The following CHML variants were observed in gnomAD, a reference collection of about 807,000 sequenced individuals.
The protein encoded by CHML is CHM like Rab escort protein, also known as rab proteins geranylgeranyltransferase component A 2.
In CHML, 20 loss-of-function variants were observed where a neutral mutation model predicts 30.4. The observed-to-expected ratio is 0.66, with a 90% CI of 0.46 to 0.95. The LOEUF (loss-of-function observed/expected upper bound fraction) is 0.95, where lower values mean the gene tolerates loss of function less well. Ranked by LOEUF, CHML falls within the 40% of genes least tolerant of loss-of-function variation. The pLI, the probability that CHML is intolerant of heterozygous loss-of-function variation, is 0.00. For synonymous variants in CHML, 281 were observed against 275.0 expected (o/e 1.02, Z -0.22); for missense variants, 795 against 768.5 (o/e 1.03, Z -0.41).
chr1:241,629,516 A>T lies in CHML; in HGVS notation c.*4280T>A, dbSNP rs1211818177. 1 of 152,150 alleles carries T rather than the reference A, an allele frequency of 6.6e-6. No individual in the cohort carries two copies. The highest frequency in any genetic ancestry group is 6.5e-5 in the Admixed American group (1 of 15,284). 9.4% of individuals were successfully genotyped at this position (152,150 alleles called of 1,614,324 possible). ...AGTACAAACCCTTATGGATATGCAT[A>T]TAGTTTTACAAAAACTGAGTGCATC... On this transcript the variant is annotated 3_prime_UTR_variant, in exon 2 of 2. Transcript: ENST00000366553.
chr1:241,639,582 T>G (rs1161191690), intron 1 of CHML, among the ~76,000 whole-genome samples: 1 of 149,594 alleles, frequency 6.7e-6, no homozygotes, highest in African/African-American at 2.5e-5. Flanking sequence ...TAAAAACAAA[T>G]AAGAAAGGAG....
Position 241,634,300 on chromosome 1 carries a change from T to C in CHML, c.1467A>G (p.Val489=), listed in dbSNP as rs747297803. The C allele has an allele frequency of 6.2e-7, 1 of 1,614,006 alleles. No individual in the cohort carries two copies. Among genetic ancestry groups the C allele is most frequent in the South Asian group, 1.1e-5 (1 of 91,076 alleles). Residue 489 remains valine, a synonymous_variant, in exon 2 of 2, where the codon GTA becomes GTG. Transcript: ENST00000366553. ...TTGAAGAACATAATTCTGTGACCCGTACAGCACAAGCTCCTGGCTCTGCTG... is the reference window on the plus strand; with the variant it reads ...TTGAAGAACATAATTCTGTGACCCGCACAGCACAAGCTCCTGGCTCTGCTG... ...VPPAEPGACA[V]RVTELCSSTM...
chr1:241,639,758 G>A, intron 1 of CHML, 124 bp downstream of exon 1: 1 of 980,574 alleles, frequency 1.0e-6, no homozygotes, highest in South Asian at 2.1e-5. Context: ...GGTGTAGGGC[G>A]GGGGGCGCGG....
At chr1:241,639,160 A>G (rs1665014705) in intron 1 of CHML, 1 of 152,244 alleles carries the variant, frequency 6.6e-6, no homozygotes, top group Admixed American at 6.5e-5. Context: ...CCGATTGCAG[A>G]GCTAATTACA....
rs1020714802 is a variant in CHML at position 241,640,288 on chromosome 1, G to A, written c.-714C>T. 7.8e-5 allele frequency: 90 copies of A among 1,150,746 alleles called. No homozygotes were observed. The African/African-American group carries it at 1.3e-3, about 17-fold the overall frequency. The allele number at this position is 1,150,746 out of a possible 1,614,324, so 71.3% of individuals were successfully genotyped here. Reference sequence around the variant, plus strand: ...GCCGGCGCGCCTGGCGGGCGGAGGCGCTCAGCTTGCGGCGGGGCTCGCGGC... The same window carrying A: ...GCCGGCGCGCCTGGCGGGCGGAGGCACTCAGCTTGCGGCGGGGCTCGCGGC... On this transcript the variant is annotated 5_prime_UTR_variant, in exon 1 of 2. Coordinates refer to ENST00000366553, the MANE Select transcript of CHML (RefSeq NM_001381853.1).
intron 1 of CHML, 77 bp downstream of exon 1, chr1:241,639,805 C>T (rs1573971111): frequency 3.9e-6 from 5 of 1,268,426 alleles, no homozygotes; most frequent in Middle Eastern, 2.9e-4. Context: ...GGCTGGGGGG[C>T]GGACGCACGG....
In CHML at chr1:241,633,681, T is replaced by A. The variant is rs1020893819; in HGVS notation, c.*115A>T. 1.4e-5 allele frequency: 15 copies of A among 1,038,222 alleles called. No homozygotes were observed. In the African/African-American group the frequency reaches 2.4e-4, roughly 17 times the overall value. The allele number at this position is 1,038,222 out of a possible 1,614,324, so 64.3% of individuals were successfully genotyped here. ...CTGAGAGTTAAAGACAACATCTGCA[T>A]AGCATTCATCATATATAACCACTTC... On this transcript the variant is annotated 3_prime_UTR_variant, in exon 2 of 2. Coordinates refer to ENST00000366553, the MANE Select transcript of CHML (RefSeq NM_001381853.1).
Position 241,633,958 on chromosome 1 carries a change from A to C in CHML, c.1809T>G (p.Thr603=), listed in dbSNP as rs1443448251. 15 of 1,613,904 alleles carry C rather than the reference A, an allele frequency of 9.3e-6. No homozygotes were observed. The East Asian group carries it at 3.1e-4, about 34-fold the overall frequency. The change falls in exon 2 of 2, where the codon ACT becomes ACG. Residue 603 remains threonine, a synonymous_variant. Coordinates refer to ENST00000366553, the MANE Select transcript of CHML (RefSeq NM_001381853.1). ...AETLFQEIFP[T]EEFCPPPPNP... Reference sequence around the variant, plus strand: ...TTGGAGGTGGAGGGCAGAATTCTTCAGTTGGAAAGATCTCCTGGAAAAGTG... The same window carrying C: ...TTGGAGGTGGAGGGCAGAATTCTTCCGTTGGAAAGATCTCCTGGAAAAGTG...
Position 241,640,297 on chromosome 1 carries a change from G to C in CHML, c.-723C>G. The C allele has an allele frequency of 8.8e-7, 1 of 1,131,678 alleles. No individual in the cohort carries two copies. Among genetic ancestry groups the C allele is most frequent in the Non-Finnish European group, 1.1e-6 (1 of 927,158 alleles). The allele number at this position is 1,131,678 out of a possible 1,614,324, so 70.1% of individuals were successfully genotyped here. A position where few individuals can be genotyped will look rare whatever the true frequency, so the allele number is the denominator to read the frequency against. ...CCTGGCGGGCGGAGGCGCTCAGCTT[G>C]CGGCGGGGCTCGCGGCGCGCTCCGC... On this transcript the variant is annotated 5_prime_UTR_variant, in exon 1 of 2. Coordinates refer to ENST00000366553, the MANE Select transcript of CHML (RefSeq NM_001381853.1).
rs913297062 is a variant in CHML at position 241,628,890 on chromosome 1, T to C, written c.*4906A>G. On this transcript the variant is annotated 3_prime_UTR_variant, in exon 2 of 2. Coordinates refer to ENST00000366553, the MANE Select transcript of CHML (RefSeq NM_001381853.1). ...TTACCAATTAATCTTTTATTTTTTA[T>C]TGCATACATCAATATTTAACAGAAG... 5 of 152,726 alleles carry C rather than the reference T, an allele frequency of 3.3e-5. No individual in the cohort carries two copies. The South Asian group carries it at 1.0e-3, about 32-fold the overall frequency. 9.5% of individuals were successfully genotyped at this position (152,726 alleles called of 1,614,324 possible).
At position 241,634,109 on chromosome 1, in the gene CHML, TA is replaced by T. The variant is rs1664767776; in HGVS notation, c.1657del (p.Tyr553IlefsTer4). 1 of 1,610,638 alleles carries T rather than the reference TA, an allele frequency of 6.2e-7. No individual in the cohort carries two copies. The highest frequency in any genetic ancestry group is 8.5e-7 in the Non-Finnish European group (1 of 1,178,964). On this transcript the variant is annotated frameshift_variant, in exon 2 of 2. Coordinates refer to ENST00000366553, the MANE Select transcript of CHML (RefSeq NM_001381853.1). LOFTEE classifies it high-confidence loss of function. ...LTKPRLLWAL[Y>X]FNMRDSSGIS... ...TCCCGAGGAATCTCTCATATTAAAA[TA>T]AAGAGCCCACAAGAGTCTTGGCTTT... is the stretch of plus-strand genomic sequence containing the variant.
At chr1:241,636,462 T>C (rs1326898269) in intron 1 of CHML, among the ~76,000 whole-genome samples, 3 of 152,352 alleles carry the variant, frequency 2.0e-5, no homozygotes, top group South Asian at 2.1e-4. Flanking sequence ...ACTATGTGCA[T>C]ACTGCCATGA....
In CHML at chr1:241,630,896, G is replaced by A. The variant is rs1297692078; in HGVS notation, c.*2900C>T. 6.6e-6 allele frequency: 1 copy of A among 152,016 alleles called. No homozygotes were observed. The highest frequency in any genetic ancestry group is 2.4e-5 in the African/African-American group (1 of 41,426). The allele number at this position is 152,016 out of a possible 1,614,324, so 9.4% of individuals were successfully genotyped here. On this transcript the variant is annotated 3_prime_UTR_variant, in exon 2 of 2. Coordinates refer to ENST00000366553, the MANE Select transcript of CHML (RefSeq NM_001381853.1). ...CTTAACACCAGCCTTATAATCCTGA[G>A]TGATAGTAAATTATTTGTTGCTGTA...
chr1:241,640,132 G>C lies in CHML; in HGVS notation c.-558C>G, dbSNP rs1402504626. 6.3e-7 allele frequency: 1 copy of C among 1,593,066 alleles called. No homozygotes were observed. Among genetic ancestry groups the C allele is most frequent in the Non-Finnish European group, 8.5e-7 (1 of 1,171,434 alleles). On this transcript the variant is annotated 5_prime_UTR_variant, in exon 1 of 2. The change creates a premature stop within an existing upstream ORF in the 5' untranslated region. Transcript: ENST00000366553. ...AGCCCAGCAGCAGCGCCAGGCGCTC[G>C]TAGGTGCCGGGGCTGAAGAGGGGCG...
At position 241,630,900 on chromosome 1, in the gene CHML, T is replaced by C. The variant is rs530181003; in HGVS notation, c.*2896A>G. On this transcript the variant is annotated 3_prime_UTR_variant, in exon 2 of 2. Coordinates refer to ENST00000366553, the MANE Select transcript of CHML (RefSeq NM_001381853.1). ...ACACCAGCCTTATAATCCTGAGTGA[T>C]AGTAAATTATTTGTTGCTGTATTGT... is the stretch of plus-strand genomic sequence containing the variant. 16 of 152,198 alleles carry C rather than the reference T, an allele frequency of 1.1e-4. No individual in the cohort carries two copies. The highest frequency in any genetic ancestry group is 8.3e-4 in the South Asian group (4 of 4,826). The allele number at this position is 152,198 out of a possible 1,614,324, so 9.4% of individuals were successfully genotyped here.
At position 241,633,668 on chromosome 1, in the gene CHML, G is replaced by T; in HGVS notation, c.*128C>A. On this transcript the variant is annotated 3_prime_UTR_variant, in exon 2 of 2. Coordinates refer to ENST00000366553, the MANE Select transcript of CHML (RefSeq NM_001381853.1). ...CAATGCTGAATGTCTGAGAGTTAAA[G>T]ACAACATCTGCATAGCATTCATCAT... 1 of 933,446 alleles carries T rather than the reference G, an allele frequency of 1.1e-6. No individual in the cohort carries two copies. The highest frequency in any genetic ancestry group is 1.6e-6 in the Non-Finnish European group (1 of 615,098). 57.8% of individuals were successfully genotyped at this position (933,446 alleles called of 1,614,324 possible).
chr1:241,640,130 T>C lies in CHML; in HGVS notation c.-556A>G, dbSNP rs1395148349. The C allele has an allele frequency of 6.3e-7, 1 of 1,591,842 alleles. No homozygotes were observed. On this transcript the variant is annotated 5_prime_UTR_variant, in exon 1 of 2. Transcript: ENST00000366553. ...GGAGCCCAGCAGCAGCGCCAGGCGC[T>C]CGTAGGTGCCGGGGCTGAAGAGGGG...
intron 1 of CHML, among the ~76,000 whole-genome samples, chr1:241,637,894 C>T (rs889532760): frequency 1.3e-5 from 2 of 152,156 alleles, no homozygotes; most frequent in East Asian, 1.9e-4. Context: ...GAAGCTACTT[C>T]CCTCATTTTT....
rs1573966739 is a variant in CHML, at chr1:241,632,650, A to G, written c.*1146T>C. 1 of 152,244 alleles carries G rather than the reference A, an allele frequency of 6.6e-6. No homozygotes were observed. The highest frequency in any genetic ancestry group is 1.9e-4 in the East Asian group (1 of 5,174). The allele number at this position is 152,244 out of a possible 1,614,324, so 9.4% of individuals were successfully genotyped here. ...GGATAACAGCTAAGAGGCAAGAGAG[A>G]TTACAGAAAATTGTTACTTCACAAT... On this transcript the variant is annotated 3_prime_UTR_variant, in exon 2 of 2. Coordinates refer to ENST00000366553, the MANE Select transcript of CHML (RefSeq NM_001381853.1).
Sources: gnomAD v4.1 joint callset for allele counts (sites outside exome capture counted in the v4.1 genomes callset) on GRCh38, gnomAD v4.1.1 for gene constraint, MANE v1.5 for transcripts, NCBI Gene and HGNC (gene_info 2026-07-23, HGNC 2026-07-21) for gene names.